Variants in PELI1 observed in about 807,000 individuals in gnomAD.
The protein encoded by PELI1 is E3 ubiquitin-protein ligase pellino homolog 1.
A neutral mutation model predicts 41.3 loss-of-function variants in PELI1; 15 were observed. The observed-to-expected ratio is 0.36, with a 90% CI of 0.24 to 0.56. The LOEUF is 0.56. PELI1 is among the 20% of genes least tolerant of loss of function. The pLI is 0.82. For synonymous variants in PELI1, 178 were observed against 180.1 expected, an observed-to-expected ratio of 0.99 and a Z score of 0.09; for missense variants, 403 against 525.5, an observed-to-expected ratio of 0.77 and a Z score of 2.28.
At chr2:64,113,797 A>C (rs148375889) in intron 1 of PELI1, among the ~76,000 whole-genome samples, 2,873 of 152,272 alleles carry the variant, frequency 0.019, 44 homozygotes, top group African/African-American at 0.036. Context: ...AATTATTTTC[A>C]TATCAAGTCT....
At chr2:64,122,895 T>C (rs1384530062) in intron 1 of PELI1, among the ~76,000 whole-genome samples, 3 of 152,232 alleles carry the variant, frequency 2.0e-5, no homozygotes, top group African/African-American at 7.2e-5. Context: ...ACTGTGCAAT[T>C]TGTTCAATTT....
At chr2:64,102,028 T>C (rs763722334) in intron 3 of PELI1, among the ~76,000 whole-genome samples, 6 of 152,090 alleles carry the variant, frequency 3.9e-5, no homozygotes, top group Admixed American at 6.6e-5. Flanking sequence ...GGTTTTGCCA[T>C]GTTGGCCAGG....
intron 1 of PELI1, among the ~76,000 whole-genome samples, chr2:64,130,224 C>G (rs1274775496): frequency 6.6e-6 from 1 of 152,114 alleles, no homozygotes; most frequent in Non-Finnish European, 1.5e-5. Flanking sequence ...ATTGCCCGGG[C>G]TAGTCTGAAA....
intron 1 of PELI1, among the ~76,000 whole-genome samples, chr2:64,116,420 C>T (rs1165107009): frequency 6.6e-6 from 1 of 152,166 alleles, no homozygotes; most frequent in African/African-American, 2.4e-5. Context: ...GCAGCAAATT[C>T]AGTGGGATTT....
In PELI1 at chr2:64,144,242, G is replaced by C. The variant is rs1343118632; in HGVS notation, c.-231C>G. 2 of 152,200 alleles carry C rather than the reference G, an allele frequency of 1.3e-5. No individual in the cohort carries two copies. Among genetic ancestry groups the C allele is most frequent in the Non-Finnish European group, 2.9e-5 (2 of 68,066 alleles). The allele number at this position is 152,200 out of a possible 1,614,324, so 9.4% of individuals were successfully genotyped here. On this transcript the variant is annotated 5_prime_UTR_variant, in exon 1 of 7. Transcript: ENST00000358912. ...GCGAGGGGAAGTTGACCACGGAGCCGAGCGCTGAGGAGCCGCGGACGCAGG... is the reference window on the plus strand; with the variant it reads ...GCGAGGGGAAGTTGACCACGGAGCCCAGCGCTGAGGAGCCGCGGACGCAGG...
intron 1 of PELI1, among the ~76,000 whole-genome samples, chr2:64,126,274 C>T (rs868005712): frequency 2.0e-5 from 3 of 152,190 alleles, no homozygotes; most frequent in Non-Finnish European, 4.4e-5. Context: ...ACCGATTCTC[C>T]TGCCTCAGCC....
At chr2:64,120,631 T>G (rs1309622165) in intron 1 of PELI1, among the ~76,000 whole-genome samples, 1 of 152,218 alleles carries the variant, frequency 6.6e-6, no homozygotes, top group Non-Finnish European at 1.5e-5. Context: ...CACAGCCACC[T>G]AAGTAAATGG....
At chr2:64,125,820 C>T (rs568611252) in intron 1 of PELI1, among the ~76,000 whole-genome samples, 7 of 152,184 alleles carry the variant, frequency 4.6e-5, no homozygotes, top group Admixed American at 1.3e-4. Context: ...TTGAGCAACA[C>T]GACATCGTAA....
At chr2:64,104,403 A>G (rs1170939246) in intron 3 of PELI1, among the ~76,000 whole-genome samples, 1 of 152,200 alleles carries the variant, frequency 6.6e-6, no homozygotes, top group East Asian at 1.9e-4. Context: ...CAGCTGCATA[A>G]TTCTAAGTAC....
intron 1 of PELI1, among the ~76,000 whole-genome samples, chr2:64,109,409 A>G (rs1680730840): frequency 6.6e-6 from 1 of 151,898 alleles, no homozygotes; most frequent in South Asian, 2.1e-4. Flanking sequence ...GGCTGGGTGC[A>G]GTGGTTCACG....
rs746892511 is a variant in PELI1 at position 64,096,235 on chromosome 2, G to A, written c.580C>T (p.Arg194Cys). The change falls in exon 6 of 7, where the codon CGC becomes TGC. Residue 194 changes from arginine (R) to cysteine (C), a missense_variant. Coordinates refer to ENST00000358912, the MANE Select transcript of PELI1 (RefSeq NM_020651.4). ...TTGGAGTCTTCTGTGAACCCATTGCGTGGATGCATCACAAGAACACCATTA... is the reference window on the plus strand; with the variant it reads ...TTGGAGTCTTCTGTGAACCCATTGCATGGATGCATCACAAGAACACCATTA... ...TTNGVLVMHP[R>C]NGFTEDSKPG... 28 of 1,613,230 alleles carry A rather than the reference G, an allele frequency of 1.7e-5. 1 individual carries two copies. Among genetic ancestry groups the A allele is most frequent in the South Asian group, 8.8e-5 (8 of 91,068 alleles).
intron 3 of PELI1, chr2:64,104,405 T>A (rs1478547738): frequency 1.3e-5 from 3 of 231,012 alleles, no homozygotes; most frequent in African/African-American, 6.8e-5. Context: ...GCTGCATAAT[T>A]CTAAGTACTA....
chr2:64,140,176 A>G (rs540645345), intron 1 of PELI1, among the ~76,000 whole-genome samples: 13 of 152,254 alleles, frequency 8.5e-5, no homozygotes, highest in Non-Finnish European at 1.8e-4. Context: ...GGCTCATTAT[A>G]AAATAAAAAT....
At chr2:64,137,999 T>A (rs888443683) in intron 1 of PELI1, among the ~76,000 whole-genome samples, 1 of 152,206 alleles carries the variant, frequency 6.6e-6, no homozygotes, top group Non-Finnish European at 1.5e-5. Flanking sequence ...TAAAGATGGA[T>A]AACCAGCCCT....
At chr2:64,120,400 G>T (rs1681168348) in intron 1 of PELI1, among the ~76,000 whole-genome samples, 1 of 152,198 alleles carries the variant, frequency 6.6e-6, no homozygotes, top group Non-Finnish European at 1.5e-5. Flanking sequence ...TTATTTAAAA[G>T]AATACTAAAA....
At chr2:64,133,363 G>A (rs941220948) in intron 1 of PELI1, among the ~76,000 whole-genome samples, 1 of 152,100 alleles carries the variant, frequency 6.6e-6, no homozygotes, top group South Asian at 2.1e-4. Flanking sequence ...ACTTTCTATA[G>A]GCAAATTATT....
rs185517791 is a variant in PELI1, at chr2:64,122,638, T to C, written c.-69-14259A>G. Among the ~76,000 whole-genome samples, 92 of 152,310 alleles carry C rather than the reference T, an allele frequency of 6.0e-4. 1 individual carries two copies. Among genetic ancestry groups the C allele is most frequent in the Non-Finnish European group, 1.1e-3 (78 of 68,024 alleles). ...TTTAGTTCCACTCCACTGGTGACTC[T>C]TAGGTCACGTTCCTCCATCCCACAA... On this transcript the variant is annotated intron_variant, in intron 1 of 6. Transcript: ENST00000358912.
chr2:64,141,352 T>C (rs760610860), intron 1 of PELI1, among the ~76,000 whole-genome samples: 11 of 134,824 alleles, frequency 8.2e-5, no homozygotes, highest in Non-Finnish European at 1.5e-4. Flanking sequence ...CCATCATATA[T>C]TAGTCATTAT....
intron 1 of PELI1, among the ~76,000 whole-genome samples, chr2:64,143,857 G>T (rs1682008121): frequency 1.3e-5 from 2 of 151,810 alleles, no homozygotes; most frequent in South Asian, 4.1e-4. Context: ...GGAGGGGGAG[G>T]CCGCGTAGGG....
Sources: gnomAD v4.1 joint callset for allele counts (sites outside exome capture counted in the v4.1 genomes callset) on GRCh38, gnomAD v4.1.1 for gene constraint, MANE v1.5 for transcripts, NCBI Gene and HGNC (gene_info 2026-07-23, HGNC 2026-07-21) for gene names.